SUSD5: variants seen among roughly 807,000 people sequenced by gnomAD.
SUSD5 encodes the protein sushi domain-containing protein 5.
In SUSD5, 33 loss-of-function variants were observed where a neutral mutation model predicts 29.5. The ratio of observed to expected loss-of-function variants is 1.12; its 90% CI spans 0.85 to 1.49. The LOEUF (loss-of-function observed/expected upper bound fraction) is 1.49, where lower values mean the gene tolerates loss of function less well. Among genes scored for constraint, SUSD5 ranks in the 40% most tolerant of loss-of-function variants. The probability of loss-of-function intolerance (pLI) is 0.00; values close to 1 mark genes in which losing one functional copy is unlikely to be tolerated. For synonymous variants in SUSD5, 308 were observed against 325.3 expected (o/e 0.95, Z 0.57); for missense variants, 776 against 800.6 (o/e 0.97, Z 0.37).
intron 2 of SUSD5, among the ~76,000 whole-genome samples, chr3:33,209,539 A>T (rs981263561): frequency 6.7e-5 from 10 of 150,338 alleles, no homozygotes; most frequent in African/African-American, 2.2e-4. Flanking sequence ...TCTTTTTTTT[A>T]AAAGTCTTTC....
intron 3 of SUSD5, among the ~76,000 whole-genome samples, chr3:33,203,239 C>T (rs1174300547): frequency 6.6e-6 from 1 of 152,200 alleles, no homozygotes; most frequent in African/African-American, 2.4e-5. Flanking sequence ...CATTTACATG[C>T]TCTTTCTAAA....
In SUSD5 at chr3:33,151,807, G is replaced by C. The variant is rs1253688571; in HGVS notation, c.*935C>G. 1 of 152,114 alleles carries C rather than the reference G, an allele frequency of 6.6e-6. No individual in the cohort carries two copies. Among genetic ancestry groups the C allele is most frequent in the Non-Finnish European group, 1.5e-5 (1 of 68,022 alleles). The allele number at this position is 152,114 out of a possible 1,614,324, so 9.4% of individuals were successfully genotyped here. ...TGAAAATAAAATAAAATAAATGACA[G>C]ACTGTCCCACAGAATGGAGGGAACA... On this transcript the variant is annotated 3_prime_UTR_variant, in exon 5 of 5. Coordinates refer to ENST00000309558, the MANE Select transcript of SUSD5 (RefSeq NM_015551.2).
chr3:33,208,451 C>T (rs1043546535), intron 2 of SUSD5, among the ~76,000 whole-genome samples: 3 of 152,010 alleles, frequency 2.0e-5, no homozygotes, highest in African/African-American at 7.2e-5. Flanking sequence ...ACAGCAAATA[C>T]TTGAATTTTT....
At chr3:33,195,804 C>A (rs1388224880) in intron 3 of SUSD5, among the ~76,000 whole-genome samples, 1 of 147,364 alleles carries the variant, frequency 6.8e-6, no homozygotes, top group African/African-American at 2.5e-5. Context: ...ATTTAGTAAA[C>A]TAAATAAAAC....
chr3:33,194,481 C>T (rs1271661256), intron 3 of SUSD5, among the ~76,000 whole-genome samples: 2 of 152,110 alleles, frequency 1.3e-5, no homozygotes, highest in East Asian at 3.9e-4. Context: ...AACAAGAGTT[C>T]ACAAAGGACA....
chr3:33,199,259 T>C (rs2032056934), intron 3 of SUSD5, among the ~76,000 whole-genome samples: 2 of 151,312 alleles, frequency 1.3e-5, no homozygotes, highest in African/African-American at 4.9e-5. Flanking sequence ...TTTACACATA[T>C]ACACAAAAAT....
intron 3 of SUSD5, among the ~76,000 whole-genome samples, chr3:33,183,312 G>C (rs559907692): frequency 5.0e-4 from 76 of 151,960 alleles, no homozygotes; most frequent in African/African-American, 1.5e-3. Context: ...TTCTATTTTT[G>C]TCTTCTATGT....
At chr3:33,183,563 G>T (rs2031715863) in intron 3 of SUSD5, among the ~76,000 whole-genome samples, 1 of 151,748 alleles carries the variant, frequency 6.6e-6, no homozygotes, top group African/African-American at 2.4e-5. Context: ...CCTGCCCCCT[G>T]TATCATTGGT....
At chr3:33,186,507 AC>A (rs2031782626) in intron 3 of SUSD5, among the ~76,000 whole-genome samples, 1 of 149,582 alleles carries the variant, frequency 6.7e-6, no homozygotes, top group South Asian at 2.1e-4. Flanking sequence ...GCTCACTGCA[AC>A]CTCCGCCTCC....
rs1414938311 is a variant in SUSD5 at position 33,150,116 on chromosome 3, GA to G, written c.*2625del. On this transcript the variant is annotated 3_prime_UTR_variant, in exon 5 of 5. Transcript: ENST00000309558. ...TAGAACCCCCTCCCCCAATTTTCAT[GA>G]GCATTAAACATTCACCATTCTCAAA... 1 of 152,098 alleles carries G rather than the reference GA, an allele frequency of 6.6e-6. No homozygotes were observed. Among genetic ancestry groups the G allele is most frequent in the Non-Finnish European group, 1.5e-5 (1 of 68,026 alleles). 9.4% of individuals were successfully genotyped at this position (152,098 alleles called of 1,614,324 possible). A position where few individuals can be genotyped will look rare whatever the true frequency, so the allele number is the denominator to read the frequency against.
intron 3 of SUSD5, among the ~76,000 whole-genome samples, chr3:33,192,081 T>TA (rs2031904510): frequency 6.7e-6 from 1 of 149,516 alleles, no homozygotes; most frequent in Non-Finnish European, 1.5e-5. Flanking sequence ...ATGCGCATAT[T>TA]TTTTTTTTTT....
Position 33,174,885 on chromosome 3 carries a change from C to T in SUSD5, c.598+1G>A, listed in dbSNP as rs79474164. On this transcript the variant is annotated splice_donor_variant, in intron 4 of 4. Transcript: ENST00000309558. LOFTEE classifies it high-confidence loss of function. ...AGGTGGCCCATCCCTGGGCTGCTTA[C>T]CTTTCCCACAGGCCTGCACCAGGCC... 1 of 1,613,882 alleles carries T rather than the reference C, an allele frequency of 6.2e-7. No individual in the cohort carries two copies. Among genetic ancestry groups the T allele is most frequent in the East Asian group, 2.2e-5 (1 of 44,868 alleles).
At chr3:33,186,901 A>G (rs1277756765) in intron 3 of SUSD5, among the ~76,000 whole-genome samples, 1 of 152,172 alleles carries the variant, frequency 6.6e-6, no homozygotes, top group African/African-American at 2.4e-5. Flanking sequence ...TTTCACCTAT[A>G]TGGCAATTCG....
chr3:33,205,041 G>C (rs1352396324), intron 3 of SUSD5, among the ~76,000 whole-genome samples: 1 of 151,886 alleles, frequency 6.6e-6, no homozygotes, highest in Non-Finnish European at 1.5e-5. Context: ...ATGTATATAT[G>C]TGTATCTATA....
intron 3 of SUSD5, among the ~76,000 whole-genome samples, chr3:33,177,083 C>T (rs2031568522): frequency 6.6e-6 from 1 of 152,166 alleles, no homozygotes; most frequent in South Asian, 2.1e-4. Flanking sequence ...GGGTCTATTA[C>T]CTCTCCATAT....
intron 4 of SUSD5, among the ~76,000 whole-genome samples, chr3:33,169,225 T>C (rs1481998402): frequency 6.6e-6 from 1 of 152,166 alleles, no homozygotes; most frequent in African/African-American, 2.4e-5. Flanking sequence ...GATAAATTTA[T>C]ACTTTTTTTT....
chr3:33,211,818 AT>A (rs1489399674), intron 2 of SUSD5, among the ~76,000 whole-genome samples: 1 of 152,112 alleles, frequency 6.6e-6, no homozygotes, highest in Non-Finnish European at 1.5e-5. Flanking sequence ...TCCCAGACCA[AT>A]ATCCTGAAGC....
rs552467422 is a variant in SUSD5, at chr3:33,150,454, C to T, written c.*2288G>A. ...CCACAATAATAGTTGCTAACACAGTCCCAATGCTGAGACAGAGGTTATTTT... is the reference window on the plus strand; with the variant it reads ...CCACAATAATAGTTGCTAACACAGTTCCAATGCTGAGACAGAGGTTATTTT... On this transcript the variant is annotated 3_prime_UTR_variant, in exon 5 of 5. Transcript: ENST00000309558. The T allele has an allele frequency of 2.6e-4, 40 of 152,130 alleles. No homozygotes were observed. Among genetic ancestry groups the T allele is most frequent in the Admixed American group, 8.5e-4 (13 of 15,280 alleles). 9.4% of individuals were successfully genotyped at this position (152,130 alleles called of 1,614,324 possible).
chr3:33,164,744 T>G (rs369644931), intron 4 of SUSD5, among the ~76,000 whole-genome samples: 1 of 152,180 alleles, frequency 6.6e-6, no homozygotes, highest in Non-Finnish European at 1.5e-5. Flanking sequence ...GGTATTCTAA[T>G]AGCCAGAAAA....
Sources: gnomAD v4.1 joint callset for allele counts (sites outside exome capture counted in the v4.1 genomes callset) on GRCh38, gnomAD v4.1.1 for gene constraint, MANE v1.5 for transcripts, NCBI Gene and HGNC (gene_info 2026-07-23, HGNC 2026-07-21) for gene names.